The following PTDSS2 variants were observed in gnomAD, a reference collection of about 807,000 sequenced individuals.
PTDSS2 encodes PSS-2.
A neutral mutation model predicts 64.7 loss-of-function variants in PTDSS2; 41 were observed. The observed-to-expected ratio is 0.63, with a 90% CI of 0.49 to 0.82. PTDSS2 has a LOEUF of 0.82. Among genes scored for constraint, PTDSS2 ranks in the 40% least tolerant of loss-of-function variants. PTDSS2 has a pLI of 0.00. For synonymous variants in PTDSS2, 297 were observed against 277.8 expected, an observed-to-expected ratio of 1.07 and a Z score of -0.69; for missense variants, 485 against 650.0, an observed-to-expected ratio of 0.75 and a Z score of 2.76.
rs1030642696 is a variant in PTDSS2 at position 476,729 on chromosome 11, G to A, written c.368-2356G>A. Among the ~76,000 whole-genome samples the A allele has an allele frequency of 5.3e-5, 8 of 152,186 alleles. No individual in the cohort carries two copies. Among genetic ancestry groups the A allele is most frequent in the African/African-American group, 1.4e-4 (6 of 41,454 alleles). On this transcript the variant is annotated intron_variant, in intron 3 of 11. Coordinates refer to ENST00000308020, the MANE Select transcript of PTDSS2 (RefSeq NM_030783.3). The surrounding 1 kb of genome is among the most constrained non-coding windows in gnomAD (Gnocchi z 4.9). ...CGCTTCCAAAAGCTCCGGCCGCGGC[G>A]TCTCTTGAGTTGTGGCTCGTCCCCT...
chr11:475,493 C>T (rs1167749876), intron 3 of PTDSS2, among the ~76,000 whole-genome samples: 12 of 151,418 alleles, frequency 7.9e-5, no homozygotes, highest in Non-Finnish European at 1.6e-4. Flanking sequence ...CATATTCACG[C>T]GTTTGTGTGA....
At chr11:478,424 C>G (rs903977601) in intron 3 of PTDSS2, among the ~76,000 whole-genome samples, 4 of 151,932 alleles carry the variant, frequency 2.6e-5, no homozygotes, top group African/African-American at 9.7e-5. Flanking sequence ...GCACTCCAGC[C>G]TGGGCAACAG....
rs578046741 is a variant in PTDSS2, at chr11:456,375, CTA to C, written c.183-3810_183-3809del. ...TTTTTTTGGTAGAAATAGGGTCTCA[CTA>C]TGTTTCCCGAGCTGGTCTCCAACTC... On this transcript the variant is annotated intron_variant, in intron 1 of 11. Coordinates refer to ENST00000308020, the MANE Select transcript of PTDSS2 (RefSeq NM_030783.3). Among the ~76,000 whole-genome samples the C allele has an allele frequency of 7.5e-4, 113 of 150,368 alleles. 1 individual carries two copies. The East Asian group carries it at 0.019, about 25-fold the overall frequency.
rs111532048 is a variant in PTDSS2 at position 465,306 on chromosome 11, T to A, written c.284+5018T>A. Among the ~76,000 whole-genome samples the A allele has an allele frequency of 8.0e-3, 1,219 of 152,348 alleles. 21 individuals are homozygous for A. The highest frequency in any genetic ancestry group is 0.028 in the African/African-American group (1,158 of 41,584). ...CCTGGCCTCCAGCAATCCTCCTGCC[T>A]CAGCCTCCCAAGGAGCTAGGACTAC... On this transcript the variant is annotated intron_variant, in intron 2 of 11. Coordinates refer to ENST00000308020, the MANE Select transcript of PTDSS2 (RefSeq NM_030783.3).
chr11:488,137 A>G (rs1281528367), intron 6 of PTDSS2, 62 bp from the exon 7 acceptor site: 1 of 1,272,192 alleles, frequency 7.9e-7, no homozygotes, highest in Non-Finnish European at 1.1e-6. Flanking sequence ...GGCTGCACGC[A>G]CCCGTGGGCA....
At position 457,609 on chromosome 11, in the gene PTDSS2, C is replaced by T. The variant is rs145966039; in HGVS notation, c.183-2578C>T. 1.3e-4 allele frequency among the ~76,000 whole-genome samples: 20 copies of T among 152,308 alleles called. No individual in the cohort carries two copies. In the East Asian group the frequency reaches 3.5e-3, roughly 26 times the overall value. On this transcript the variant is annotated intron_variant, in intron 1 of 11. Coordinates refer to ENST00000308020, the MANE Select transcript of PTDSS2 (RefSeq NM_030783.3). ...TTCCTCTGAGTGCTGAGCCATGCTC[C>T]GCTGGTCGGAGGGACCACAGTGTTT...
intron 1 of PTDSS2, among the ~76,000 whole-genome samples, chr11:451,125 G>C (rs1018167005): frequency 1.3e-5 from 2 of 152,248 alleles, no homozygotes; most frequent in Non-Finnish European, 2.9e-5. Flanking sequence ...CGTGGCGATC[G>C]TGTTGATTAG....
At position 461,637 on chromosome 11, in the gene PTDSS2, C is replaced by T. The variant is rs1039134573; in HGVS notation, c.284+1349C>T. ...CTCCCAGTCAGCTTTGCTGGCCCTT[C>T]CCCCTTTTTCTGAGCCTGAGGTGCC... is the stretch of plus-strand genomic sequence containing the variant. On this transcript the variant is annotated intron_variant, in intron 2 of 11. Coordinates refer to ENST00000308020, the MANE Select transcript of PTDSS2 (RefSeq NM_030783.3). The surrounding 1 kb of genome is among the most constrained non-coding windows in gnomAD (Gnocchi z 4.2). 1.3e-5 allele frequency among the ~76,000 whole-genome samples: 2 copies of T among 152,194 alleles called. No homozygotes were observed. Among genetic ancestry groups the T allele is most frequent in the East Asian group, 3.9e-4 (2 of 5,190 alleles).
intron 2 of PTDSS2, among the ~76,000 whole-genome samples, chr11:473,167 G>A (rs1194140314): frequency 1.3e-5 from 2 of 152,254 alleles, no homozygotes; most frequent in African/African-American, 2.4e-5. Flanking sequence ...CCGGCCCCAA[G>A]GAGCTTTGCC....
At chr11:471,587 G>T (rs1017957461) in intron 2 of PTDSS2, among the ~76,000 whole-genome samples, 1 of 151,506 alleles carries the variant, frequency 6.6e-6, no homozygotes, top group East Asian at 2.0e-4. Context: ...GCGGCCTGGG[G>T]TGACACGGAT....
chr11:478,042 C>A (rs1456372879), intron 3 of PTDSS2, among the ~76,000 whole-genome samples: 2 of 152,190 alleles, frequency 1.3e-5, no homozygotes, highest in South Asian at 2.1e-4. Context: ...GAAAACCTCA[C>A]GTCTGCACGT....
chr11:456,603 T>C lies in PTDSS2; in HGVS notation c.183-3584T>C, dbSNP rs531819259. 3.3e-5 allele frequency among the ~76,000 whole-genome samples: 5 copies of C among 152,326 alleles called. No individual in the cohort carries two copies. In the South Asian group the frequency reaches 1.0e-3, roughly 32 times the overall value. ...GGCAGGCCAGGGACAAGGGGACTCC[T>C]GGGCCCCAGCTGAGCCCAGCCCGTT... On this transcript the variant is annotated intron_variant, in intron 1 of 11. Coordinates refer to ENST00000308020, the MANE Select transcript of PTDSS2 (RefSeq NM_030783.3).
intron 2 of PTDSS2, among the ~76,000 whole-genome samples, chr11:473,010 C>A (rs1847550122): frequency 6.6e-6 from 1 of 152,250 alleles, no homozygotes; most frequent in Non-Finnish European, 1.5e-5. Flanking sequence ...ATCCGAGCGT[C>A]TGCAGAGCAC....
chr11:455,312 G>C (rs898544878), intron 1 of PTDSS2, among the ~76,000 whole-genome samples: 3 of 152,166 alleles, frequency 2.0e-5, no homozygotes, highest in African/African-American at 4.8e-5. Flanking sequence ...CCCCTCACGT[G>C]GGGTGGCCGT....
chr11:489,383 G>C lies in PTDSS2; in HGVS notation c.855-17G>C. The C allele has an allele frequency of 1.9e-6, 3 of 1,608,164 alleles. No individual in the cohort carries two copies. Among genetic ancestry groups the C allele is most frequent in the Non-Finnish European group, 2.5e-6 (3 of 1,176,494 alleles). On this transcript the variant is annotated splice_polypyrimidine_tract_variant and intron_variant, in intron 8 of 11. Transcript: ENST00000308020. ...GGTGGGCTGCCTTCCTCAGGCTGCCGGCTCTGTGGTTCCCAGGGGCAAGAT... is the reference window on the plus strand; with the variant it reads ...GGTGGGCTGCCTTCCTCAGGCTGCCCGCTCTGTGGTTCCCAGGGGCAAGAT...
rs1292134790 is a variant in PTDSS2 at position 479,640 on chromosome 11, C to A, written c.435+488C>A. ...CTGGGCCTCAGAGGGGACCCCAGCG[C>A]CAAGAGGGACGGGGTCTTTGTTTTT... On this transcript the variant is annotated intron_variant, in intron 4 of 11. Transcript: ENST00000308020. This position sits in a 1 kb window ranked among gnomAD's most constrained non-coding sequence, Gnocchi z 4.2. Among the ~76,000 whole-genome samples the A allele has an allele frequency of 6.6e-6, 1 of 152,206 alleles. No individual in the cohort carries two copies. Among genetic ancestry groups the A allele is most frequent in the Non-Finnish European group, 1.5e-5 (1 of 68,042 alleles).
chr11:451,498 C>G, intron 1 of PTDSS2: 1 of 375,782 alleles, frequency 2.7e-6, no homozygotes, highest in Non-Finnish European at 5.6e-6. Flanking sequence ...TGCAAGGTGC[C>G]CAGTTCCCAT....
chr11:464,121 T>C (rs1461672343), intron 2 of PTDSS2, among the ~76,000 whole-genome samples: 2 of 152,022 alleles, frequency 1.3e-5, no homozygotes. Flanking sequence ...TAGCTGGGAC[T>C]ATAGCCGTGC....
At position 479,990 on chromosome 11, in the gene PTDSS2, G is replaced by A. The variant is rs1468361194; in HGVS notation, c.435+838G>A. Reference sequence around the variant, plus strand: ...GTACATTCTGTGAATTTTAGCATTTGTGTAGACTTCTAGAAACACAATTAG... The same window carrying A: ...GTACATTCTGTGAATTTTAGCATTTATGTAGACTTCTAGAAACACAATTAG... On this transcript the variant is annotated intron_variant, in intron 4 of 11. Transcript: ENST00000308020. The surrounding 1 kb of genome is among the most constrained non-coding windows in gnomAD (Gnocchi z 4.2). The A allele has an allele frequency of 3.3e-5, 5 of 152,332 alleles. No individual in the cohort carries two copies. The highest frequency in any genetic ancestry group is 1.2e-4 in the African/African-American group (5 of 41,436). 9.4% of individuals were successfully genotyped at this position (152,332 alleles called of 1,614,324 possible).
Sources: gnomAD v4.1 joint callset for allele counts (sites outside exome capture counted in the v4.1 genomes callset) on GRCh38, gnomAD v4.1.1 for gene constraint, Gnocchi (gnomAD v3.1) non-coding constraint, MANE v1.5 for transcripts, NCBI Gene and HGNC (gene_info 2026-07-23, HGNC 2026-07-21) for gene names.